Variants in KLF9 observed in about 807,000 individuals in gnomAD.
The protein encoded by KLF9 is Krueppel-like factor 9.
Under a neutral mutation model 17.3 loss-of-function variants are expected in KLF9, and 2 were observed. The observed-to-expected ratio is 0.12, with a 90% confidence interval of 0.05 to 0.36. The LOEUF (loss-of-function observed/expected upper bound fraction) is 0.36, where lower values mean the gene tolerates loss of function less well. Ranked by LOEUF, KLF9 falls within the 10% of genes least tolerant of loss-of-function variation. The probability of loss-of-function intolerance (pLI) is 1.00; values close to 1 mark genes in which losing one functional copy is unlikely to be tolerated. For missense variants in KLF9, 226 were observed against 333.2 expected (o/e 0.68, Z 2.51); for synonymous variants, 138 against 139.2 (o/e 0.99, Z 0.06).
chr9:70,396,249 G>A (rs2037181269), intron 1 of KLF9, among the ~76,000 whole-genome samples: 1 of 152,168 alleles, frequency 6.6e-6, no homozygotes, highest in Non-Finnish European at 1.5e-5. Flanking sequence ...ATAGAGACAT[G>A]AAAAGGGATA....
Position 70,413,271 on chromosome 9 carries a change from C to T in KLF9, c.93G>A (p.Pro31=), listed in dbSNP as rs1344934213. The T allele has an allele frequency of 1.2e-6, 2 of 1,613,132 alleles. No homozygotes were observed. The highest frequency in any genetic ancestry group is 2.7e-5 in the African/African-American group (2 of 74,938). ...RAAVPEHGVA[P]DAERLRLPER... ...CAGGTAGTCGCAGCCGCTCGGCGTC[C>T]GGAGCGACCCCATGCTCCGGCACCG... is the stretch of plus-strand genomic sequence containing the variant. Residue 31 remains proline, a synonymous_variant, in exon 1 of 2, where the codon CCG becomes CCA. Transcript: ENST00000377126. This position sits in a 1 kb window ranked among gnomAD's most constrained non-coding sequence, Gnocchi z 5.6.
intron 1 of KLF9, among the ~76,000 whole-genome samples, chr9:70,399,124 T>C (rs2037203082): frequency 1.3e-5 from 2 of 152,208 alleles, no homozygotes. Flanking sequence ...CGTGAGACAC[T>C]GCACCTGGCC....
chr9:70,388,466 T>C (rs2118905536), intron 1 of KLF9, among the ~76,000 whole-genome samples: 1 of 152,262 alleles, frequency 6.6e-6, no homozygotes, highest in East Asian at 1.9e-4. Context: ...TCTGTGGTTG[T>C]GTGTTATGGC....
chr9:70,408,232 G>A (rs1440324223), intron 1 of KLF9, among the ~76,000 whole-genome samples: 6 of 152,092 alleles, frequency 3.9e-5, no homozygotes, highest in East Asian at 1.9e-4. Flanking sequence ...AAAATTAGCC[G>A]AGTGTGGTGG....
chr9:70,406,579 A>AG (rs1564088653), intron 1 of KLF9, among the ~76,000 whole-genome samples: 1 of 152,080 alleles, frequency 6.6e-6, no homozygotes, highest in Non-Finnish European at 1.5e-5. Context: ...GGGGCGGAGA[A>AG]AGAGAGCCAG....
chr9:70,388,887 C>A (rs779639380), intron 1 of KLF9, among the ~76,000 whole-genome samples: 49 of 152,208 alleles, frequency 3.2e-4, no homozygotes, highest in Non-Finnish European at 5.6e-4. Context: ...CGCCTGTAAT[C>A]CCAGCACTTT....
intron 1 of KLF9, among the ~76,000 whole-genome samples, chr9:70,401,686 C>CAAAAAAAAAAAAAA (rs34988097): frequency 3.0e-5 from 2 of 66,488 alleles, no homozygotes; most frequent in Non-Finnish European, 6.0e-5. Flanking sequence ...GACTCCTTCA[C>CAAAAAAAAAAAAAA]AAAAAAAAAA....
At chr9:70,402,799 C>T (rs150554752) in intron 1 of KLF9, among the ~76,000 whole-genome samples, 4 of 152,324 alleles carry the variant, frequency 2.6e-5, no homozygotes, top group Non-Finnish European at 4.4e-5. Context: ...AAATATCGTA[C>T]TGTTTGCCTC....
Position 70,402,467 on chromosome 9 carries a change from G to T in KLF9, c.505+10392C>A, listed in dbSNP as rs777486803. ...TAGGCTTTTACCTATTAGCATATAG[G>T]GTAATAAATGTTCCTGTAAACATGA... is the stretch of plus-strand genomic sequence containing the variant. On this transcript the variant is annotated intron_variant, in intron 1 of 1. Coordinates refer to ENST00000377126, the MANE Select transcript of KLF9 (RefSeq NM_001206.4). Among the ~76,000 whole-genome samples, 93 of 152,094 alleles carry T rather than the reference G, an allele frequency of 6.1e-4. 5 individuals are homozygous for T. Among genetic ancestry groups the T allele is most frequent in the Non-Finnish European group, 1.9e-4 (13 of 68,028 alleles).
intron 1 of KLF9, among the ~76,000 whole-genome samples, chr9:70,409,978 C>T (rs914620112): frequency 6.6e-6 from 1 of 152,222 alleles, no homozygotes; most frequent in African/African-American, 2.4e-5. Context: ...GTGTGTGGAA[C>T]CCTACCAAGT....
intron 1 of KLF9, among the ~76,000 whole-genome samples, chr9:70,407,298 T>A (rs1413775835): frequency 6.6e-6 from 1 of 152,160 alleles, no homozygotes; most frequent in East Asian, 1.9e-4. Flanking sequence ...AAGAATTCAT[T>A]TCCCTGAATC....
intron 1 of KLF9, among the ~76,000 whole-genome samples, chr9:70,409,139 T>C (rs1288317446): frequency 8.4e-5 from 5 of 59,424 alleles, no homozygotes; most frequent in African/African-American, 1.9e-4. Flanking sequence ...TGTATACATA[T>C]ATATGTATAT....
At chr9:70,396,022 A>G (rs1339011050) in intron 1 of KLF9, among the ~76,000 whole-genome samples, 2 of 152,220 alleles carry the variant, frequency 1.3e-5, no homozygotes, top group African/African-American at 4.8e-5. Context: ...ACAAAAATAT[A>G]TTCAATCTCA....
At chr9:70,388,811 G>A (rs1251133795) in intron 1 of KLF9, among the ~76,000 whole-genome samples, 1 of 152,094 alleles carries the variant, frequency 6.6e-6, no homozygotes, top group Non-Finnish European at 1.5e-5. Flanking sequence ...TTCCTGCAAA[G>A]GCCATACTTT....
intron 1 of KLF9, among the ~76,000 whole-genome samples, chr9:70,393,927 C>T (rs1009636267): frequency 6.8e-6 from 1 of 147,498 alleles, no homozygotes; most frequent in East Asian, 2.0e-4. Context: ...GAGGCTGAGG[C>T]GGGAAGATTG....
intron 1 of KLF9, among the ~76,000 whole-genome samples, chr9:70,412,186 CAAAAAAAAAAA>C (rs10644898): frequency 0.033 from 1,570 of 47,132 alleles, 57 homozygotes; most frequent in African/African-American, 0.13. Context: ...GTCACATGGC[CAAAAAAAAAAA>C]AAAAAAAAAA....
intron 1 of KLF9, among the ~76,000 whole-genome samples, chr9:70,409,814 T>C (rs1490376039): frequency 6.6e-6 from 1 of 152,184 alleles, no homozygotes; most frequent in African/African-American, 2.4e-5. Context: ...AAAGATCTGG[T>C]CTGGTTGAAG....
intron 1 of KLF9, among the ~76,000 whole-genome samples, chr9:70,412,606 C>G (rs1012228972): frequency 6.6e-6 from 1 of 152,180 alleles, no homozygotes; most frequent in Non-Finnish European, 1.5e-5. Flanking sequence ...CACCACTCCC[C>G]GCGAAGCCAC....
intron 1 of KLF9, among the ~76,000 whole-genome samples, chr9:70,409,094 A>ATATATATGTGTATATATATACATATATG: frequency 1.1e-5 from 1 of 91,834 alleles, no homozygotes; most frequent in South Asian, 3.5e-4. Context: ...ACATATATGT[A>ATATATATGTGTATATATATACATATATG]TATATATGTG....
Sources: gnomAD v4.1 joint callset for allele counts (sites outside exome capture counted in the v4.1 genomes callset) on GRCh38, gnomAD v4.1.1 for gene constraint, Gnocchi (gnomAD v3.1) non-coding constraint, MANE v1.5 for transcripts, NCBI Gene and HGNC (gene_info 2026-07-23, HGNC 2026-07-21) for gene names.